The following PBX4 variants were observed in gnomAD, a reference collection of about 807,000 sequenced individuals.
PBX4 encodes PBX homeobox 4, also known as pre-B-cell leukemia transcription factor 4.
Under a neutral mutation model 35.1 loss-of-function variants are expected in PBX4, and 26 were observed. The observed-to-expected ratio is 0.74, with a 90% CI of 0.54 to 1.03. The LOEUF (loss-of-function observed/expected upper bound fraction) is 1.03, where lower values mean the gene tolerates loss of function less well. PBX4 is among the 50% of genes least tolerant of loss of function. The pLI, the probability that PBX4 is intolerant of heterozygous loss-of-function variation, is 0.00. For missense variants in PBX4, 448 were observed against 504.3 expected (o/e 0.89, Z 1.07); for synonymous variants, 199 against 204.2 (o/e 0.97, Z 0.22).
Position 19,563,771 on chromosome 19 carries a change from G to A in PBX4, c.926-156C>T. ...AGCCCCCACCCAGGCAGGCCAGCGG[G>A]CCCTCCCCACCACACTACTCATGTC... On this transcript the variant is annotated intron_variant, in intron 6 of 7. Transcript: ENST00000251203. This position sits in a 1 kb window ranked among gnomAD's most constrained non-coding sequence, Gnocchi z 5.1. 1.5e-6 allele frequency: 1 copy of A among 671,950 alleles called. No homozygotes were observed. 41.6% of individuals were successfully genotyped at this position (671,950 alleles called of 1,614,324 possible).
chr19:19,578,012 T>A, intron 2 of PBX4, among the ~76,000 whole-genome samples: 1 of 99,680 alleles, frequency 1.0e-5, no homozygotes, highest in African/African-American at 4.4e-5. Flanking sequence ...AACCCATCTC[T>A]ACTAAAAAAA....
chr19:19,598,275 ACTTTT>A (rs2061572296), intron 2 of PBX4, among the ~76,000 whole-genome samples: 1 of 148,072 alleles, frequency 6.8e-6, no homozygotes. Context: ...TATTTTTTCA[ACTTTT>A]CTTTTTCTTT....
At chr19:19,580,014 C>T (rs964302992) in intron 2 of PBX4, 3 of 152,282 alleles carry the variant, frequency 2.0e-5, no homozygotes, top group Non-Finnish European at 4.4e-5. Flanking sequence ...AGAGGGTTGA[C>T]GCCTGGTGAG....
At chr19:19,571,611 G>A (rs1010041330) in intron 2 of PBX4, among the ~76,000 whole-genome samples, 5 of 152,116 alleles carry the variant, frequency 3.3e-5, no homozygotes, top group African/African-American at 7.2e-5. Context: ...CCTGGGACAC[G>A]GGTGTCAGAG....
At chr19:19,593,437 C>T (rs576534430) in intron 2 of PBX4, among the ~76,000 whole-genome samples, 5 of 152,260 alleles carry the variant, frequency 3.3e-5, no homozygotes, top group East Asian at 3.9e-4. Context: ...TTCCTAGTCA[C>T]GGGATGAGGA....
chr19:19,601,595 G>A (rs746535347), intron 1 of PBX4, among the ~76,000 whole-genome samples: 5 of 152,146 alleles, frequency 3.3e-5, no homozygotes, highest in African/African-American at 7.2e-5. Flanking sequence ...AGATTAACCC[G>A]GATTATCTGG....
chr19:19,597,968 G>A (rs760041976), intron 2 of PBX4, among the ~76,000 whole-genome samples: 8 of 152,158 alleles, frequency 5.3e-5, no homozygotes, highest in Admixed American at 2.6e-4. Context: ...CAGACAAACC[G>A]CACTGAGGGA....
chr19:19,589,537 A>C (rs1215596730), intron 2 of PBX4, among the ~76,000 whole-genome samples: 6 of 152,152 alleles, frequency 3.9e-5, no homozygotes, highest in African/African-American at 1.4e-4. Context: ...TGGGAGGCCG[A>C]GGCGGGTGGA....
chr19:19,610,442 C>CA (rs2061657186), intron 1 of PBX4, among the ~76,000 whole-genome samples: 1 of 151,242 alleles, frequency 6.6e-6, no homozygotes, highest in Non-Finnish European at 1.5e-5. Context: ...AAAAAACTTA[C>CA]AAAAAAATAA....
intron 1 of PBX4, among the ~76,000 whole-genome samples, chr19:19,600,185 A>G (rs2061588514): frequency 6.6e-6 from 1 of 151,994 alleles, no homozygotes; most frequent in Non-Finnish European, 1.5e-5. Flanking sequence ...ACAAATATTC[A>G]AAACATTTCC....
chr19:19,585,245 A>G (rs899239864), intron 2 of PBX4, among the ~76,000 whole-genome samples: 3 of 151,950 alleles, frequency 2.0e-5, no homozygotes, highest in Non-Finnish European at 4.4e-5. Flanking sequence ...GAATCTCTTG[A>G]ACCCGGGAGG....
chr19:19,594,466 G>A (rs937358224), intron 2 of PBX4, among the ~76,000 whole-genome samples: 5 of 151,770 alleles, frequency 3.3e-5, no homozygotes, highest in African/African-American at 7.3e-5. Context: ...GAGGTGGGGC[G>A]ACACCAGCGG....
At chr19:19,576,477 A>G (rs142292565) in intron 2 of PBX4, among the ~76,000 whole-genome samples, 2,691 of 151,346 alleles carry the variant, frequency 0.018, 84 homozygotes, top group South Asian at 0.11. Flanking sequence ...ACGCACCTTG[A>G]CCTCCCAAAG....
At position 19,570,816 on chromosome 19, in the gene PBX4, T is replaced by A. The variant is rs202136740; in HGVS notation, c.211A>T (p.Ile71Phe). ...KEKTVVSIRGIQDEDPPDAQL... is the reference protein window; with the variant it reads ...KEKTVVSIRGFQDEDPPDAQL... ...GCGTCAGGGGGATCTTCGTCTTGAATGCCACGGATGCTTACCACTAGATAA... is the reference window on the plus strand; with the variant it reads ...GCGTCAGGGGGATCTTCGTCTTGAAAGCCACGGATGCTTACCACTAGATAA... The change falls in exon 3 of 8, where the codon ATT becomes TTT. Residue 71 changes from isoleucine to phenylalanine, a missense_variant. Physicochemically the swap from Ile to Phe is conservative, Grantham distance 21. Transcript: ENST00000251203. 1.2e-6 allele frequency: 2 copies of A among 1,613,940 alleles called. No individual in the cohort carries two copies. The highest frequency in any genetic ancestry group is 8.5e-7 in the Non-Finnish European group (1 of 1,180,040).
intron 1 of PBX4, among the ~76,000 whole-genome samples, chr19:19,611,601 C>T (rs564504491): frequency 6.6e-6 from 1 of 150,416 alleles, no homozygotes; most frequent in South Asian, 2.1e-4. Flanking sequence ...ATCACTTGAA[C>T]CCAGGGGGCA....
intron 2 of PBX4, among the ~76,000 whole-genome samples, chr19:19,578,769 TG>T (rs1482148013): frequency 6.6e-6 from 1 of 152,162 alleles, no homozygotes; most frequent in Non-Finnish European, 1.5e-5. Flanking sequence ...CAAATTCACA[TG>T]TCGAAGCCCT....
chr19:19,598,211 A>C (rs2061571860), intron 2 of PBX4, among the ~76,000 whole-genome samples: 1 of 152,106 alleles, frequency 6.6e-6, no homozygotes, highest in East Asian at 1.9e-4. Context: ...TATGGCTCTG[A>C]AGGTGTTGAC....
chr19:19,613,839 C>T (rs942214588), intron 1 of PBX4, among the ~76,000 whole-genome samples: 1 of 152,128 alleles, frequency 6.6e-6, no homozygotes, highest in South Asian at 2.1e-4. Flanking sequence ...CACTGCTCTC[C>T]GACTAGCCTA....
intron 1 of PBX4, 96 bp downstream of exon 1, chr19:19,618,415 G>T: frequency 1.7e-6 from 2 of 1,146,478 alleles, no homozygotes; most frequent in Non-Finnish European, 2.2e-6. Flanking sequence ...CTCCTCAAGC[G>T]CCCCTCGTCA....
Sources: allele counts gnomAD v4.1 joint callset (sites outside exome capture counted in the v4.1 genomes callset), GRCh38; gene constraint gnomAD v4.1.1; non-coding constraint Gnocchi (gnomAD v3.1); transcripts MANE v1.5; gene names NCBI Gene and HGNC (gene_info 2026-07-23, HGNC 2026-07-21).